The following PBX3 variants were observed in gnomAD, a reference collection of about 807,000 sequenced individuals.
PBX3 encodes the protein PBX homeobox 3, also known as pre-B-cell leukemia transcription factor 3.
PBX3 carries 14 observed loss-of-function variants against 48.5 expected under a neutral mutation model. That is an observed-to-expected ratio of 0.29 (90% CI 0.19 to 0.45). The LOEUF is 0.45. Among genes scored for constraint, PBX3 ranks in the 20% least tolerant of loss-of-function variants. The pLI, the probability that PBX3 is intolerant of heterozygous loss-of-function variation, is 1.00. For missense variants in PBX3, 386 were observed against 546.7 expected (o/e 0.71, Z 2.93); for synonymous variants, 210 against 200.3 (o/e 1.05, Z -0.41).
At chr9:125,769,502 A>G (rs543164928) in intron 2 of PBX3, among the ~76,000 whole-genome samples, 37 of 152,326 alleles carry the variant, frequency 2.4e-4, no homozygotes, top group African/African-American at 7.9e-4. Context: ...AGATTACCTT[A>G]CCTGGAAAGA....
intron 2 of PBX3, among the ~76,000 whole-genome samples, chr9:125,781,064 C>A (rs1432197400): frequency 1.4e-5 from 2 of 144,118 alleles, no homozygotes; most frequent in Admixed American, 1.4e-4. Flanking sequence ...GGGCTCCTCA[C>A]GTCCCAGACG....
chr9:125,775,943 C>T (rs12236863), intron 2 of PBX3, among the ~76,000 whole-genome samples: 3,041 of 152,208 alleles, frequency 0.02, 170 homozygotes, highest in East Asian at 0.17. Flanking sequence ...AATCTTTCAC[C>T]TCCCTGGTTA....
intron 2 of PBX3, among the ~76,000 whole-genome samples, chr9:125,762,138 C>T (rs1345355576): frequency 6.6e-6 from 1 of 152,108 alleles, no homozygotes; most frequent in Non-Finnish European, 1.5e-5. Flanking sequence ...TGGCTGAGTG[C>T]TACTTTACGT....
At chr9:125,915,568 A>G (rs553954206) in intron 2 of PBX3, 118 bp from the exon 3 acceptor site, 44 of 705,654 alleles carry the variant, frequency 6.2e-5, no homozygotes, top group Non-Finnish European at 9.0e-5. Context: ...AGTTCTCAGC[A>G]TGAATTGTAG....
At chr9:125,758,179 T>G (rs1836571453) in intron 2 of PBX3, among the ~76,000 whole-genome samples, 1 of 152,216 alleles carries the variant, frequency 6.6e-6, no homozygotes, top group African/African-American at 2.4e-5. Flanking sequence ...TGTCAATGTA[T>G]TGCATGAACT....
Position 125,966,040 on chromosome 9 carries a change from C to G in PBX3, c.*117C>G. 3.2e-6 allele frequency: 2 copies of G among 632,580 alleles called. No individual in the cohort carries two copies. Among genetic ancestry groups the G allele is most frequent in the East Asian group, 5.4e-5 (2 of 37,288 alleles). The allele number at this position is 632,580 out of a possible 1,614,324, so 39.2% of individuals were successfully genotyped here. ...CTACAGCTTTACTGTAAAACCTTGT[C>G]TTATTCGAGAACTTGGTAAATCTGT... On this transcript the variant is annotated 3_prime_UTR_variant, in exon 9 of 9. Coordinates refer to ENST00000373489, the MANE Select transcript of PBX3 (RefSeq NM_006195.6).
intron 2 of PBX3, among the ~76,000 whole-genome samples, chr9:125,783,545 C>G (rs1215351535): frequency 2.6e-5 from 4 of 152,122 alleles, no homozygotes; most frequent in Admixed American, 2.6e-4. Flanking sequence ...GCCTCAGCCC[C>G]CAAAGTTCTG....
intron 1 of PBX3, among the ~76,000 whole-genome samples, 168 bp downstream of exon 1, chr9:125,747,821 C>G (rs1279702060): frequency 2.0e-5 from 3 of 151,544 alleles, no homozygotes; most frequent in Non-Finnish European, 4.4e-5. Flanking sequence ...CCGCGCCCCC[C>G]GAAGCGGGCG....
At chr9:125,780,756 G>A (rs1207919203) in intron 2 of PBX3, among the ~76,000 whole-genome samples, 5 of 130,830 alleles carry the variant, frequency 3.8e-5, no homozygotes, top group Non-Finnish European at 6.7e-5. Context: ...CGGACAGGGC[G>A]GCTGGCCGGG....
chr9:125,934,316 C>T (rs1017420289), intron 4 of PBX3, among the ~76,000 whole-genome samples: 1 of 152,186 alleles, frequency 6.6e-6, no homozygotes, highest in African/African-American at 2.4e-5. Context: ...ACCTATACAA[C>T]AGCCTACTGA....
chr9:125,923,403 G>A (rs1357882658), intron 3 of PBX3, among the ~76,000 whole-genome samples: 2 of 152,154 alleles, frequency 1.3e-5, no homozygotes, highest in African/African-American at 2.4e-5. Context: ...CATTAGAAAC[G>A]CTTCCATACT....
At chr9:125,877,883 C>T (rs1245624808) in intron 2 of PBX3, among the ~76,000 whole-genome samples, 1 of 152,208 alleles carries the variant, frequency 6.6e-6, no homozygotes, top group Non-Finnish European at 1.5e-5. Context: ...GAGAATTACT[C>T]TTAATCTTTT....
At chr9:125,915,221 A>G in intron 2 of PBX3, among the ~76,000 whole-genome samples, 1 of 152,158 alleles carries the variant, frequency 6.6e-6, no homozygotes, top group East Asian at 1.9e-4. Flanking sequence ...TGAATTAACT[A>G]TTTTATGGGA....
chr9:125,928,453 C>G (rs1228634693), intron 3 of PBX3, among the ~76,000 whole-genome samples: 2 of 145,598 alleles, frequency 1.4e-5, no homozygotes, highest in Non-Finnish European at 3.0e-5. Context: ...GAGACAATGT[C>G]TGAGGATTTT....
At position 125,829,944 on chromosome 9, in the gene PBX3, A is replaced by C. The variant is rs558699180; in HGVS notation, c.274+81321A>C. ...TTTACACATTAGTTACCCACGCAGC[A>C]CTCATCAAAAAAGCTGAACAATCTT... is the stretch of plus-strand genomic sequence containing the variant. On this transcript the variant is annotated intron_variant, in intron 2 of 8. Coordinates refer to ENST00000373489, the MANE Select transcript of PBX3 (RefSeq NM_006195.6). Among the ~76,000 whole-genome samples, 12 of 152,248 alleles carry C rather than the reference A, an allele frequency of 7.9e-5. 1 individual carries two copies. In the South Asian group the frequency reaches 2.5e-3, roughly 32 times the overall value.
At chr9:125,780,651 C>G (rs1426925024) in intron 2 of PBX3, among the ~76,000 whole-genome samples, 19 of 137,928 alleles carry the variant, frequency 1.4e-4, no homozygotes, top group Admixed American at 1.3e-3. Flanking sequence ...GCTGACCCCC[C>G]CACCTCCCTC....
chr9:125,841,512 A>G (rs1010611965), intron 2 of PBX3, among the ~76,000 whole-genome samples: 4 of 152,180 alleles, frequency 2.6e-5, no homozygotes, highest in African/African-American at 9.6e-5. Flanking sequence ...GCAACAGGAC[A>G]TTTATAACCA....
intron 2 of PBX3, among the ~76,000 whole-genome samples, chr9:125,825,665 GT>G (rs1350213526): frequency 6.6e-6 from 1 of 152,140 alleles, no homozygotes; most frequent in Non-Finnish European, 1.5e-5. Context: ...TATGAAAACA[GT>G]TTTGACCTTG....
intron 2 of PBX3, among the ~76,000 whole-genome samples, chr9:125,898,096 C>T (rs943775369): frequency 6.6e-6 from 1 of 151,764 alleles, no homozygotes; most frequent in African/African-American, 2.4e-5. Context: ...GAGGTCCCTG[C>T]TTGCCCTTTA....
Sources: allele counts gnomAD v4.1 joint callset (sites outside exome capture counted in the v4.1 genomes callset), GRCh38; gene constraint gnomAD v4.1.1; transcripts MANE v1.5; gene names NCBI Gene and HGNC (gene_info 2026-07-23, HGNC 2026-07-21).